GRIN2B: variants seen among roughly 807,000 people sequenced by gnomAD.
The protein encoded by GRIN2B is glutamate receptor ionotropic, NMDA 2B.
Under a neutral mutation model 114.5 loss-of-function variants are expected in GRIN2B, and 5 were observed. That is an observed-to-expected ratio of 0.04 (90% CI 0.02 to 0.09). GRIN2B has a LOEUF of 0.09. Ranked by LOEUF, GRIN2B falls within the 10% of genes least tolerant of loss-of-function variation. The pLI is 1.00. For synonymous variants in GRIN2B, 787 were observed against 745.1 expected, an observed-to-expected ratio of 1.06 and a Z score of -0.92; for missense variants, 1,108 against 1,943.5, an observed-to-expected ratio of 0.57 and a Z score of 8.08.
chr12:13,710,988 C>CCACA (rs1355819992), intron 4 of GRIN2B, among the ~76,000 whole-genome samples: 1 of 152,066 alleles, frequency 6.6e-6, no homozygotes, highest in African/African-American at 2.4e-5. Context: ...TACTACAAGG[C>CCACA]CACAGTAACC....
chr12:13,696,929 A>G (rs1207554088), intron 4 of GRIN2B, among the ~76,000 whole-genome samples: 1 of 152,206 alleles, frequency 6.6e-6, no homozygotes, highest in Non-Finnish European at 1.5e-5. Flanking sequence ...ATAATGCTTT[A>G]GCCGTTCTTT....
At position 13,865,505 on chromosome 12, in the gene GRIN2B, G is replaced by A. The variant is rs140139395; in HGVS notation, c.411+293C>T. 0.01 allele frequency among the ~76,000 whole-genome samples: 1,556 copies of A among 152,168 alleles called. 28 individuals carry two copies. The highest frequency in any genetic ancestry group is 0.036 in the African/African-American group (1,481 of 41,510). On this transcript the variant is annotated intron_variant, in intron 3 of 13. Transcript: ENST00000609686. ...AAATTAGCTGGGTGTGGTGGCAGGCGCCTGTAATCCCAGCTACTCGGGAGG... is the reference window on the plus strand; with the variant it reads ...AAATTAGCTGGGTGTGGTGGCAGGCACCTGTAATCCCAGCTACTCGGGAGG...
intron 10 of GRIN2B, among the ~76,000 whole-genome samples, chr12:13,599,297 C>G (rs753128004): frequency 1.3e-5 from 2 of 152,066 alleles, no homozygotes; most frequent in Non-Finnish European, 2.9e-5. Flanking sequence ...CCAGCTAGGC[C>G]GAAAGGTTCC....
At chr12:13,855,592 G>T (rs1313214493) in intron 3 of GRIN2B, among the ~76,000 whole-genome samples, 1 of 152,130 alleles carries the variant, frequency 6.6e-6, no homozygotes, top group Non-Finnish European at 1.5e-5. Context: ...GGCTTTCCTA[G>T]CTTGTAGCTC....
chr12:13,730,255 A>C (rs1863064520), intron 4 of GRIN2B, among the ~76,000 whole-genome samples: 1 of 152,214 alleles, frequency 6.6e-6, no homozygotes, highest in African/African-American at 2.4e-5. Context: ...GAGAAAAAGA[A>C]AATACAATTT....
chr12:13,794,904 T>A (rs1383051221), intron 3 of GRIN2B, among the ~76,000 whole-genome samples: 1 of 152,348 alleles, frequency 6.6e-6, no homozygotes, highest in East Asian at 1.9e-4. Context: ...AGGTGTGTGC[T>A]GAAATTCAGT....
rs114642160 is a variant in GRIN2B, at chr12:13,627,537, A to T, written c.1126-10880T>A. Among the ~76,000 whole-genome samples, 446 of 152,336 alleles carry T rather than the reference A, an allele frequency of 2.9e-3. 5 individuals carry two copies. Among genetic ancestry groups the T allele is most frequent in the African/African-American group, 0.01 (424 of 41,568 alleles). On this transcript the variant is annotated intron_variant, in intron 5 of 13. Transcript: ENST00000609686. ...CATTTATCATCGCCAATTTCTGTCA[A>T]CATCTCAGAAGCCAAGAAGTAAGTT...
chr12:13,605,156 G>A (rs1949221564), intron 10 of GRIN2B, among the ~76,000 whole-genome samples: 1 of 150,820 alleles, frequency 6.6e-6, no homozygotes, highest in African/African-American at 2.5e-5. Context: ...AGGTGGTCAG[G>A]TATTGGCCTA....
Position 13,970,970 on chromosome 12 carries a change from C to T in GRIN2B, c.-19+8958G>A, listed in dbSNP as rs1862900976. On this transcript the variant is annotated intron_variant, in intron 2 of 13. Transcript: ENST00000609686. ...TCTAACAAGGTGATGAGAGGAAGAA[C>T]CACGAATCACAAAGACAGCAATTGT... is the stretch of plus-strand genomic sequence containing the variant. Among the ~76,000 whole-genome samples the T allele has an allele frequency of 3.9e-5, 6 of 152,288 alleles. No individual in the cohort carries two copies. In the South Asian group the frequency reaches 1.2e-3, roughly 32 times the overall value.
At chr12:13,587,212 T>C (rs1948938814) in intron 10 of GRIN2B, among the ~76,000 whole-genome samples, 1 of 152,202 alleles carries the variant, frequency 6.6e-6, no homozygotes, top group Non-Finnish European at 1.5e-5. Context: ...GATACTCATC[T>C]GGTGGCCTGA....
chr12:13,868,630 C>A (rs371283508), intron 2 of GRIN2B, among the ~76,000 whole-genome samples: 4 of 152,272 alleles, frequency 2.6e-5, no homozygotes, highest in African/African-American at 4.8e-5. Flanking sequence ...CCCACTCTGC[C>A]GTGACAGTTT....
chr12:13,872,073 G>A (rs967219034), intron 2 of GRIN2B, among the ~76,000 whole-genome samples: 3 of 151,656 alleles, frequency 2.0e-5, no homozygotes, highest in Non-Finnish European at 4.4e-5. Flanking sequence ...AAACTTTTAA[G>A]AAGGAAACGA....
At position 13,564,573 on chromosome 12, in the gene GRIN2B, C is replaced by T. The variant is rs756224637; in HGVS notation, c.2665G>A (p.Ala889Thr). Reference protein sequence around the residue: ...ERQSVMNSPTATMNNTHSNIL... With the variant: ...ERQSVMNSPTTTMNNTHSNIL... Reference sequence around the variant, plus strand: ...TTGGAGTGTGTGTTGTTCATGGTTGCGGTGGGGGAGTTCATTACAGACTGG... The same window carrying T: ...TTGGAGTGTGTGTTGTTCATGGTTGTGGTGGGGGAGTTCATTACAGACTGG... Residue 889 changes from alanine (A) to threonine (T), a missense_variant, in exon 14 of 14, where the codon GCA becomes ACA. Around this residue, in one of 19 missense-constraint regions of GRIN2B, gnomAD observed 27 missense variants for 51.7 expected, o/e 0.52. Coordinates refer to ENST00000609686, the MANE Select transcript of GRIN2B (RefSeq NM_000834.5). The surrounding 1 kb of genome is among the most constrained non-coding windows in gnomAD (Gnocchi z 4.8). 1.6e-5 allele frequency: 26 copies of T among 1,613,860 alleles called. No individual in the cohort carries two copies. The highest frequency in any genetic ancestry group is 1.6e-4 in the Middle Eastern group (1 of 6,084).
chr12:13,752,132 G>C (rs1863493635), intron 4 of GRIN2B, among the ~76,000 whole-genome samples: 1 of 152,166 alleles, frequency 6.6e-6, no homozygotes, highest in Non-Finnish European at 1.5e-5. Flanking sequence ...CCTGCTAGAA[G>C]TTACCCACTC....
intron 2 of GRIN2B, among the ~76,000 whole-genome samples, chr12:13,891,509 A>G (rs373241879): frequency 1.3e-5 from 2 of 152,290 alleles, no homozygotes; most frequent in African/African-American, 4.8e-5. Flanking sequence ...CTAACTGCCA[A>G]TTTGGAATTT....
chr12:13,976,677 CA>C (rs1244142735), intron 2 of GRIN2B, among the ~76,000 whole-genome samples: 1 of 151,970 alleles, frequency 6.6e-6, no homozygotes, highest in Non-Finnish European at 1.5e-5. Context: ...TATAGTCCAT[CA>C]ATATTATTTA....
intron 3 of GRIN2B, among the ~76,000 whole-genome samples, chr12:13,774,364 G>A (rs368277429): frequency 4.2e-4 from 64 of 152,306 alleles, no homozygotes; most frequent in Middle Eastern, 3.4e-3. Flanking sequence ...TCCAGATGGT[G>A]AACTGTGGCT....
At chr12:13,685,202 T>TA (rs763184880) in intron 4 of GRIN2B, among the ~76,000 whole-genome samples, 49 of 152,340 alleles carry the variant, frequency 3.2e-4, no homozygotes, top group Middle Eastern at 3.4e-3. Flanking sequence ...TACTTCCTCT[T>TA]ACACATTGGG....
intron 3 of GRIN2B, among the ~76,000 whole-genome samples, chr12:13,779,285 C>A (rs905178184): frequency 9.9e-5 from 15 of 152,144 alleles, no homozygotes; most frequent in African/African-American, 3.4e-4. Context: ...CTCTGGTGAT[C>A]CATCTGCCTC....
Sources: allele counts gnomAD v4.1 joint callset (sites outside exome capture counted in the v4.1 genomes callset), GRCh38; gene constraint gnomAD v4.1.1; regional missense constraint gnomAD v4.1.1; non-coding constraint Gnocchi (gnomAD v3.1); transcripts MANE v1.5; gene names NCBI Gene and HGNC (gene_info 2026-07-23, HGNC 2026-07-21).